The following ACTL6B variants were observed in gnomAD, a reference collection of about 807,000 sequenced individuals.
The protein encoded by ACTL6B is actin-like protein 6B.
In ACTL6B, 48 loss-of-function variants were observed where a neutral mutation model predicts 63.3. The ratio of observed to expected loss-of-function variants is 0.76; its 90% confidence interval spans 0.60 to 0.96. The LOEUF (loss-of-function observed/expected upper bound fraction) is 0.96. Among genes scored for constraint, ACTL6B ranks in the 50% least tolerant of loss-of-function variants. The pLI, the probability that ACTL6B is intolerant of heterozygous loss-of-function variation, is 0.00. For missense variants in ACTL6B, 350 were observed against 572.2 expected (o/e 0.61, Z 3.96); for synonymous variants, 230 against 223.8 (o/e 1.03, Z -0.25).
Position 100,647,893 on chromosome 7 carries a change from T to C in ACTL6B, c.670-360A>G, listed in dbSNP as rs1344081201. ...GCACCCTGGCTACTGCCTACTGCCG[T>C]TCCACTTTACATAAGACAAACCTGA... On this transcript the variant is annotated intron_variant, in intron 7 of 13. Transcript: ENST00000160382. This position sits in a 1 kb window ranked among gnomAD's most constrained non-coding sequence, Gnocchi z 4.4. Among the ~76,000 whole-genome samples the C allele has an allele frequency of 1.3e-5, 2 of 151,856 alleles. No individual in the cohort carries two copies. The highest frequency in any genetic ancestry group is 4.8e-5 in the African/African-American group (2 of 41,288).
chr7:100,650,603 G>A (rs750522912), intron 4 of ACTL6B, among the ~76,000 whole-genome samples: 6 of 152,172 alleles, frequency 3.9e-5, no homozygotes, highest in African/African-American at 7.2e-5. Flanking sequence ...TTGGGAGGCC[G>A]AGGCAGGAGG....
chr7:100,648,404 G>T lies in ACTL6B; in HGVS notation c.669+152C>A. On this transcript the variant is annotated intron_variant, in intron 7 of 13. Coordinates refer to ENST00000160382, the MANE Select transcript of ACTL6B (RefSeq NM_016188.5). The surrounding 1 kb of genome is among the most constrained non-coding windows in gnomAD (Gnocchi z 4.4). The stretch of plus-strand genomic sequence containing the variant: ...ATATCCCTCAGCCTGTCTGGATTTC[G>T]GATGCCTCGATTATAAAAGGAGGAA... The T allele has an allele frequency of 3.1e-6, 2 of 653,618 alleles. No individual in the cohort carries two copies. Among genetic ancestry groups the T allele is most frequent in the Non-Finnish European group, 5.0e-6 (2 of 396,756 alleles). 40.5% of individuals were successfully genotyped at this position (653,618 alleles called of 1,614,324 possible). A position where few individuals can be genotyped will look rare whatever the true frequency, so the allele number is the denominator to read the frequency against.
chr7:100,650,091 G>A lies in ACTL6B; in HGVS notation c.414C>T (p.Phe138=), dbSNP rs117341773. The change falls in exon 5 of 14, where the codon TTC becomes TTT. Residue 138 remains phenylalanine, a synonymous_variant. Transcript: ENST00000160382. ...AGAAGGCAGGAATGTTGTACTGCTC[G>A]AACATCAGCTCTGTCAGCTTCTCCC... ...AKREKLTELM[F]EQYNIPAFFL... The A allele has an allele frequency of 9.0e-4, 1,450 of 1,613,932 alleles. 18 individuals are homozygous for A. The East Asian group carries it at 0.027, about 30-fold the overall frequency.
Position 100,646,796 on chromosome 7 carries a change from G to A in ACTL6B, c.972C>T (p.His324=), listed in dbSNP as rs1182515715. 6 of 1,613,456 alleles carry A rather than the reference G, an allele frequency of 3.7e-6. No homozygotes were observed. The highest frequency in any genetic ancestry group is 2.2e-5 in the East Asian group (1 of 44,854). The change falls in exon 11 of 14, where the codon CAC becomes CAT. Residue 324 remains histidine (H), a synonymous_variant. Coordinates refer to ENST00000160382, the MANE Select transcript of ACTL6B (RefSeq NM_016188.5). This position sits in a 1 kb window ranked among gnomAD's most constrained non-coding sequence, Gnocchi z 6.1. The part of the protein sequence containing the change: ...LSGNTMLGVG[H]VVTTSIGMCD... Reference sequence around the variant, plus strand: ...ACATGCCGATGCTGGTGGTCACCACGTGGCCCACACCCAACATGGTGTTCC... The same window carrying A: ...ACATGCCGATGCTGGTGGTCACCACATGGCCCACACCCAACATGGTGTTCC...
rs1235880761 is a variant in ACTL6B, at chr7:100,643,282, C to T, written c.1245G>A (p.Glu415=). 6.2e-7 allele frequency: 1 copy of T among 1,613,994 alleles called. No individual in the cohort carries two copies. Among genetic ancestry groups the T allele is most frequent in the Non-Finnish European group, 8.5e-7 (1 of 1,179,996 alleles). Residue 415 remains glutamate, a synonymous_variant, in exon 14 of 14, where the codon GAG becomes GAA. Transcript: ENST00000160382. The part of the protein sequence containing the change: ...QMWISKQEYE[E]GGKQCVERKC... ...TTCGCTCCACGCACTGCTTCCCGCCCTCCTCATATTCCTGCTTGGAGATCC... is the reference window on the plus strand; with the variant it reads ...TTCGCTCCACGCACTGCTTCCCGCCTTCCTCATATTCCTGCTTGGAGATCC...
chr7:100,654,867 G>A, intron 4 of ACTL6B, 152 bp downstream of exon 4: 1 of 651,962 alleles, frequency 1.5e-6, no homozygotes. Context: ...AGCCAAGAAG[G>A]AAGGAAATTG....
At chr7:100,652,788 G>A (rs1167296938) in intron 4 of ACTL6B, among the ~76,000 whole-genome samples, 1 of 151,006 alleles carries the variant, frequency 6.6e-6, no homozygotes, top group African/African-American at 2.4e-5. Flanking sequence ...GGATCACGAG[G>A]TCAAGAGATC....
In ACTL6B at chr7:100,655,297, C is replaced by G. The variant is rs1326488368; in HGVS notation, c.268+124G>C. ...GGGAAGGGAACCCAGCGAGAAGAAC[C>G]CTGGCAGCCAGAAGAACCCTGGGGC... On this transcript the variant is annotated intron_variant, in intron 3 of 13. Transcript: ENST00000160382. The surrounding 1 kb of genome is among the most constrained non-coding windows in gnomAD (Gnocchi z 4.4). 2 of 1,314,722 alleles carry G rather than the reference C, an allele frequency of 1.5e-6. No individual in the cohort carries two copies. The highest frequency in any genetic ancestry group is 1.1e-6 in the Non-Finnish European group (1 of 950,590). The allele number at this position is 1,314,722 out of a possible 1,614,324, so 81.4% of individuals were successfully genotyped here.
chr7:100,643,931 G>A (rs1439081097), intron 13 of ACTL6B, among the ~76,000 whole-genome samples: 1 of 151,804 alleles, frequency 6.6e-6, no homozygotes. Flanking sequence ...ATGGAGTCTT[G>A]CTCTGTCGCC....
intron 13 of ACTL6B, among the ~76,000 whole-genome samples, chr7:100,643,926 G>A (rs570277473): frequency 2.6e-5 from 4 of 152,112 alleles, no homozygotes; most frequent in African/African-American, 9.6e-5. Flanking sequence ...TTGAGATGGA[G>A]TCTTGCTCTG....
At chr7:100,650,459 A>G (rs1803920393) in intron 4 of ACTL6B, among the ~76,000 whole-genome samples, 1 of 151,996 alleles carries the variant, frequency 6.6e-6, no homozygotes, top group South Asian at 2.1e-4. Flanking sequence ...ACGGTCAAAC[A>G]CATATATACT....
chr7:100,655,677 CT>C lies in ACTL6B; in HGVS notation c.103-92del, dbSNP rs1804026439. ...CCACAGCAGGGTCCTCAGACCGCCC[CT>C]GGGTTTATTCCCATATTCCCGCTCA... is the stretch of plus-strand genomic sequence containing the variant. On this transcript the variant is annotated intron_variant, in intron 2 of 13. Transcript: ENST00000160382. The surrounding 1 kb of genome is among the most constrained non-coding windows in gnomAD (Gnocchi z 4.4). 6.6e-7 allele frequency: 1 copy of C among 1,523,532 alleles called. No individual in the cohort carries two copies. Among genetic ancestry groups the C allele is most frequent in the Non-Finnish European group, 8.8e-7 (1 of 1,132,400 alleles). The allele number at this position is 1,523,532 out of a possible 1,614,324, so 94.4% of individuals were successfully genotyped here.
chr7:100,646,400 G>T lies in ACTL6B; in HGVS notation c.1114-65C>A, dbSNP rs1464931632. The T allele has an allele frequency of 2.5e-5, 39 of 1,580,020 alleles. No homozygotes were observed. Among genetic ancestry groups the T allele is most frequent in the Middle Eastern group, 1.7e-4 (1 of 5,848 alleles). ...TTCTGGGAAGGGACAGGGCTTGGGG[G>T]AGAGGGGAAGACTTGGGAAGCCACA... On this transcript the variant is annotated intron_variant, in intron 12 of 13. Coordinates refer to ENST00000160382, the MANE Select transcript of ACTL6B (RefSeq NM_016188.5). The surrounding 1 kb of genome is among the most constrained non-coding windows in gnomAD (Gnocchi z 6.1).
chr7:100,655,286 G>T lies in ACTL6B; in HGVS notation c.268+135C>A. ...GGTGGGCCCCTGGGAAGGGAACCCA[G>T]CGAGAAGAACCCTGGCAGCCAGAAG... On this transcript the variant is annotated intron_variant, in intron 3 of 13. Coordinates refer to ENST00000160382, the MANE Select transcript of ACTL6B (RefSeq NM_016188.5). The surrounding 1 kb of genome is among the most constrained non-coding windows in gnomAD (Gnocchi z 4.4). The T allele has an allele frequency of 1.6e-6, 2 of 1,279,124 alleles. No homozygotes were observed. The highest frequency in any genetic ancestry group is 2.2e-6 in the Non-Finnish European group (2 of 917,688). 79.2% of individuals were successfully genotyped at this position (1,279,124 alleles called of 1,614,324 possible). A position where few individuals can be genotyped will look rare whatever the true frequency, so the allele number is the denominator to read the frequency against.
intron 4 of ACTL6B, among the ~76,000 whole-genome samples, chr7:100,651,165 A>G (rs1584469924): frequency 6.6e-6 from 1 of 152,216 alleles, no homozygotes; most frequent in East Asian, 1.9e-4. Flanking sequence ...AATGATTTCT[A>G]ACCTGGCATG....
At chr7:100,652,990 A>C (rs1225487542) in intron 4 of ACTL6B, among the ~76,000 whole-genome samples, 1 of 128,514 alleles carries the variant, frequency 7.8e-6, no homozygotes, top group East Asian at 2.3e-4. Context: ...ACAGAGCAAA[A>C]CTCCGTCTCA....
At chr7:100,656,299 T>C (rs1804038795) in intron 1 of ACTL6B, 31 bp downstream of exon 1, 2 of 1,377,282 alleles carry the variant, frequency 1.5e-6, no homozygotes, top group Non-Finnish European at 1.9e-6. Flanking sequence ...AACGCAGGGC[T>C]GCGGGAGCCG....
At chr7:100,656,294 A>G in intron 1 of ACTL6B, 36 bp downstream of exon 1, 2 of 1,376,648 alleles carry the variant, frequency 1.5e-6, no homozygotes, top group African/African-American at 1.5e-5. Context: ...TTTGGAACGC[A>G]GGGCTGCGGG....
chr7:100,654,607 C>T (rs1473581959), intron 4 of ACTL6B, among the ~76,000 whole-genome samples: 2 of 151,492 alleles, frequency 1.3e-5, no homozygotes, highest in Non-Finnish European at 2.9e-5. Context: ...AAGGCGAAAC[C>T]CCCTGTCTAC....
Sources: gnomAD v4.1 joint callset for allele counts (sites outside exome capture counted in the v4.1 genomes callset) on GRCh38, gnomAD v4.1.1 for gene constraint, Gnocchi (gnomAD v3.1) non-coding constraint, MANE v1.5 for transcripts, NCBI Gene and HGNC (gene_info 2026-07-23, HGNC 2026-07-21) for gene names.